NXPH1: variants seen among roughly 807,000 people sequenced by gnomAD.
NXPH1 encodes neurexophilin-1.
A neutral mutation model predicts 23.7 loss-of-function variants in NXPH1; 5 were observed. The ratio of observed to expected loss-of-function variants is 0.21; its 90% CI spans 0.11 to 0.44. NXPH1 has a LOEUF of 0.44. NXPH1 is among the 20% of genes least tolerant of loss of function. NXPH1 has a pLI of 0.99. For missense variants in NXPH1, 324 were observed against 321.6 expected (o/e 1.01, Z -0.06); for synonymous variants, 144 against 122.2 (o/e 1.18, Z -1.18).
chr7:8,718,566 A>G (rs1428340439), intron 2 of NXPH1, among the ~76,000 whole-genome samples: 1 of 152,244 alleles, frequency 6.6e-6, no homozygotes, highest in African/African-American at 2.4e-5. Flanking sequence ...AGTTAATGAC[A>G]TCAAGAGTTT....
At chr7:8,721,571 C>T (rs1477162626) in intron 2 of NXPH1, among the ~76,000 whole-genome samples, 4 of 151,936 alleles carry the variant, frequency 2.6e-5, no homozygotes, top group South Asian at 2.1e-4. Flanking sequence ...GTCAGGAGAT[C>T]GAGACCATCC....
chr7:8,656,377 C>T (rs1562444674), intron 2 of NXPH1, among the ~76,000 whole-genome samples: 1 of 152,128 alleles, frequency 6.6e-6, no homozygotes, highest in Non-Finnish European at 1.5e-5. Context: ...AATTTATTTA[C>T]TTGTCTCATT....
intron 2 of NXPH1, among the ~76,000 whole-genome samples, chr7:8,675,068 G>T (rs1432695541): frequency 6.6e-6 from 1 of 152,030 alleles, no homozygotes; most frequent in African/African-American, 2.4e-5. Flanking sequence ...TAGAACAAGG[G>T]GTAGGCTAAA....
chr7:8,600,211 C>G lies in NXPH1; in HGVS notation c.55-150797C>G, dbSNP rs140018002. 1.3e-3 allele frequency among the ~76,000 whole-genome samples: 189 copies of G among 150,722 alleles called. No homozygotes were observed. In the Middle Eastern group the frequency reaches 0.027, roughly 22 times the overall value. ...GTATAAGAAAGTAGGCAAAGGCCTACTTTCTTACTGTGTTGACTTTTTAAC... is the reference window on the plus strand; with the variant it reads ...GTATAAGAAAGTAGGCAAAGGCCTAGTTTCTTACTGTGTTGACTTTTTAAC... On this transcript the variant is annotated intron_variant, in intron 2 of 2. Coordinates refer to ENST00000405863, the MANE Select transcript of NXPH1 (RefSeq NM_152745.3).
intron 2 of NXPH1, among the ~76,000 whole-genome samples, chr7:8,613,180 A>G (rs1300037939): frequency 6.6e-6 from 1 of 151,668 alleles, no homozygotes; most frequent in Non-Finnish European, 1.5e-5. Flanking sequence ...CATTATCTCC[A>G]TTACTTTCAC....
At chr7:8,748,888 T>G (rs1780517508) in intron 2 of NXPH1, among the ~76,000 whole-genome samples, 1 of 152,204 alleles carries the variant, frequency 6.6e-6, no homozygotes, top group South Asian at 2.1e-4. Flanking sequence ...TGGTATTCTT[T>G]CTGTGGTGAG....
chr7:8,619,633 T>C (rs2214508), intron 2 of NXPH1, among the ~76,000 whole-genome samples: 42,224 of 152,062 alleles, frequency 0.28, 6,350 homozygotes, highest in African/African-American at 0.36. Context: ...AGCAAAATAA[T>C]AGTTATAAAT....
intron 2 of NXPH1, among the ~76,000 whole-genome samples, chr7:8,491,503 A>G (rs1325804140): frequency 1.3e-5 from 2 of 152,062 alleles, no homozygotes; most frequent in Non-Finnish European, 2.9e-5. Flanking sequence ...ATAATCCCAG[A>G]TTACATCACG....
chr7:8,505,982 C>G (rs536080328), intron 2 of NXPH1, among the ~76,000 whole-genome samples: 21 of 152,148 alleles, frequency 1.4e-4, no homozygotes, highest in African/African-American at 4.8e-4. Flanking sequence ...TGTATGTGAT[C>G]TGAGGACCAT....
At chr7:8,463,417 C>G (rs1234566229) in intron 2 of NXPH1, among the ~76,000 whole-genome samples, 1 of 151,364 alleles carries the variant, frequency 6.6e-6, no homozygotes, top group East Asian at 1.9e-4. Flanking sequence ...GTTGCAATGA[C>G]TACATATACA....
intron 2 of NXPH1, among the ~76,000 whole-genome samples, chr7:8,489,454 G>C (rs1267733011): frequency 6.6e-6 from 1 of 151,966 alleles, no homozygotes; most frequent in East Asian, 1.9e-4. Context: ...ACTTCACTTG[G>C]GTAGTTTAGA....
At chr7:8,493,508 A>G (rs569999723) in intron 2 of NXPH1, among the ~76,000 whole-genome samples, 1 of 152,188 alleles carries the variant, frequency 6.6e-6, no homozygotes, top group Admixed American at 6.6e-5. Flanking sequence ...GTCCTGCTAG[A>G]ATGAGAGAAC....
chr7:8,576,844 G>A (rs957990734), intron 2 of NXPH1, among the ~76,000 whole-genome samples: 15 of 152,042 alleles, frequency 9.9e-5, no homozygotes, highest in Non-Finnish European at 1.9e-4. Flanking sequence ...CTCCTATAGG[G>A]TCAGAGTTAT....
intron 2 of NXPH1, among the ~76,000 whole-genome samples, chr7:8,696,594 C>T (rs1376970742): frequency 6.6e-6 from 1 of 152,110 alleles, no homozygotes; most frequent in Non-Finnish European, 1.5e-5. Context: ...ATATATGTTG[C>T]AGTAATTTCC....
At chr7:8,665,251 G>A (rs1820741809) in intron 2 of NXPH1, among the ~76,000 whole-genome samples, 1 of 151,970 alleles carries the variant, frequency 6.6e-6, no homozygotes, top group Non-Finnish European at 1.5e-5. Flanking sequence ...ATATCCAAAT[G>A]TTTCAGCACC....
intron 2 of NXPH1, among the ~76,000 whole-genome samples, chr7:8,642,330 G>C (rs142749490): frequency 6.6e-6 from 1 of 152,124 alleles, no homozygotes; most frequent in Non-Finnish European, 1.5e-5. Flanking sequence ...CTGTAAAAAG[G>C]TCTGATGCCA....
At chr7:8,734,785 C>T (rs574435550) in intron 2 of NXPH1, among the ~76,000 whole-genome samples, 3 of 152,020 alleles carry the variant, frequency 2.0e-5, no homozygotes, top group South Asian at 4.2e-4. Context: ...TAATATTGAC[C>T]GTGGGGTATT....
In NXPH1 at chr7:8,434,038, C is replaced by G. The variant is rs1330077094; in HGVS notation, c.-828C>G. 6.6e-6 allele frequency: 1 copy of G among 152,226 alleles called. No homozygotes were observed. The highest frequency in any genetic ancestry group is 1.5e-5 in the Non-Finnish European group (1 of 68,056). The allele number at this position is 152,226 out of a possible 1,614,324, so 9.4% of individuals were successfully genotyped here. A position where few individuals can be genotyped will look rare whatever the true frequency, so the allele number is the denominator to read the frequency against. ...ACGACCACCGCGGCCGCCGGAAACC[C>G]AAAGCGCTCCAGAGCGTCCCCGGGT... is the stretch of plus-strand genomic sequence containing the variant. On this transcript the variant is annotated 5_prime_UTR_variant, in exon 1 of 3. Transcript: ENST00000405863. The surrounding 1 kb of genome is among the most constrained non-coding windows in gnomAD (Gnocchi z 7.6).
chr7:8,489,651 T>A (rs1817216239), intron 2 of NXPH1, among the ~76,000 whole-genome samples: 1 of 152,098 alleles, frequency 6.6e-6, no homozygotes, highest in Non-Finnish European at 1.5e-5. Context: ...TACTGTGATT[T>A]AGAAAGAAAA....
Sources: allele counts gnomAD v4.1 joint callset (sites outside exome capture counted in the v4.1 genomes callset), GRCh38; gene constraint gnomAD v4.1.1; non-coding constraint Gnocchi (gnomAD v3.1); transcripts MANE v1.5; gene names NCBI Gene and HGNC (gene_info 2026-07-23, HGNC 2026-07-21).